The following NAV2 variants were observed in gnomAD, a reference collection of about 807,000 sequenced individuals.
The protein encoded by NAV2 is neuron navigator 2, also known as helicase, APC down-regulated 1.
In NAV2, 54 loss-of-function variants were observed where a neutral mutation model predicts 223.2. That is an observed-to-expected ratio of 0.24 (90% CI 0.19 to 0.30). The LOEUF is 0.30. Among genes scored for constraint, NAV2 ranks in the 10% least tolerant of loss-of-function variants. The pLI, the probability that NAV2 is intolerant of heterozygous loss-of-function variation, is 1.00. For synonymous variants in NAV2, 1,279 were observed against 1,239.3 expected, an observed-to-expected ratio of 1.03 and a Z score of -0.67; for missense variants, 2,806 against 3,147.5, an observed-to-expected ratio of 0.89 and a Z score of 2.60.
intron 6 of NAV2, among the ~76,000 whole-genome samples, chr11:19,930,148 G>A (rs1387803888): frequency 6.6e-6 from 1 of 152,128 alleles, no homozygotes; most frequent in Non-Finnish European, 1.5e-5. Context: ...GAAGAGGTAT[G>A]GACGGAATCC....
chr11:19,846,450 C>A (rs1235003647), intron 3 of NAV2, among the ~76,000 whole-genome samples: 1 of 152,104 alleles, frequency 6.6e-6, no homozygotes, highest in Non-Finnish European at 1.5e-5. Context: ...CAGATTCCTG[C>A]ATATGGGGGA....
intron 1 of NAV2, among the ~76,000 whole-genome samples, chr11:19,493,987 C>A (rs1474413911): frequency 6.6e-6 from 1 of 152,240 alleles, no homozygotes; most frequent in African/African-American, 2.4e-5. Context: ...CTCCCTCTGG[C>A]TGGATCTGTA....
chr11:19,953,852 C>CGT (rs553638832), intron 10 of NAV2, among the ~76,000 whole-genome samples: 3,987 of 141,892 alleles, frequency 0.028, 165 homozygotes, highest in African/African-American at 0.1. Context: ...AATGTGCACG[C>CGT]GCGCGCGTGT....
intron 3 of NAV2, among the ~76,000 whole-genome samples, chr11:19,849,251 C>A (rs1015572553): frequency 2.6e-5 from 4 of 152,176 alleles, no homozygotes; most frequent in Non-Finnish European, 5.9e-5. Context: ...TGGTGTTTAC[C>A]TCTGTGACAG....
At chr11:19,853,335 GT>G (rs1230671693) in intron 3 of NAV2, among the ~76,000 whole-genome samples, 1 of 152,214 alleles carries the variant, frequency 6.6e-6, no homozygotes, top group Non-Finnish European at 1.5e-5. Flanking sequence ...CTGTAAAGTT[GT>G]TTCCAGTTTT....
At chr11:19,540,236 C>A (rs189534066) in intron 1 of NAV2, among the ~76,000 whole-genome samples, 1 of 152,290 alleles carries the variant, frequency 6.6e-6, no homozygotes, top group East Asian at 1.9e-4. Flanking sequence ...TAATGTCCCA[C>A]CAAGACTGGT....
intron 1 of NAV2, among the ~76,000 whole-genome samples, chr11:19,547,593 A>G (rs571966000): frequency 8.6e-4 from 131 of 151,764 alleles, no homozygotes; most frequent in African/African-American, 2.8e-3. Context: ...GATCTTCTCT[A>G]CCTCTTGTTT....
chr11:19,855,577 C>T (rs886543633), intron 3 of NAV2, among the ~76,000 whole-genome samples: 5 of 152,110 alleles, frequency 3.3e-5, no homozygotes, highest in East Asian at 1.9e-4. Flanking sequence ...TCCACAGTGT[C>T]GTCTCGTATA....
At chr11:19,611,892 TG>T (rs1565099024) in intron 1 of NAV2, among the ~76,000 whole-genome samples, 1 of 152,238 alleles carries the variant, frequency 6.6e-6, no homozygotes, top group African/African-American at 2.4e-5. Context: ...GGACTCTGTG[TG>T]GGGGATCCCA....
intron 1 of NAV2, among the ~76,000 whole-genome samples, chr11:19,584,890 T>G (rs1187275509): frequency 6.6e-6 from 1 of 152,246 alleles, no homozygotes; most frequent in South Asian, 2.1e-4. Context: ...AGATGTCTAT[T>G]GGGTCCGCTT....
chr11:19,675,075 C>A (rs1039663936), intron 1 of NAV2, among the ~76,000 whole-genome samples: 2 of 152,158 alleles, frequency 1.3e-5, no homozygotes, highest in Non-Finnish European at 2.9e-5. Context: ...TCATGCACAC[C>A]GCAGCTTCCT....
At chr11:19,695,888 A>AATAAAATAAAATAAAATAAAATTAT (rs2049320578) in intron 1 of NAV2, among the ~76,000 whole-genome samples, 1 of 124,982 alleles carries the variant, frequency 8.0e-6, no homozygotes, top group Non-Finnish European at 1.5e-5. Context: ...TGGATGAAAT[A>AATAAAATAAAATAAAATAAAATTAT]ATAAAATAAA....
chr11:20,086,145 C>T (rs946143021), intron 26 of NAV2, among the ~76,000 whole-genome samples: 1 of 152,194 alleles, frequency 6.6e-6, no homozygotes. Context: ...GAAGTGAATT[C>T]GCATCCAATT....
At chr11:19,694,833 C>A (rs1246196780) in intron 1 of NAV2, among the ~76,000 whole-genome samples, 3 of 152,194 alleles carry the variant, frequency 2.0e-5, no homozygotes, top group Admixed American at 2.0e-4. Context: ...CATTAGCTCT[C>A]CCTTGTACCT....
In NAV2 at chr11:20,120,571, C is replaced by T. The variant is rs2063424873; in HGVS notation, c.*2313C>T. On this transcript the variant is annotated 3_prime_UTR_variant, in exon 38 of 38. Coordinates refer to ENST00000349880, the MANE Select transcript of NAV2 (RefSeq NM_145117.5). ...GTTTTCCAATCACCTTGTGAGTAGA[C>T]ACCTGCCAATATTGTTTGAAACCTT... The T allele has an allele frequency of 6.6e-6, 1 of 152,564 alleles. No homozygotes were observed. The allele number at this position is 152,564 out of a possible 1,614,324, so 9.5% of individuals were successfully genotyped here.
rs144160829 is a variant in NAV2, at chr11:19,482,191, A to G, written c.75+131164A>G. ...ATTTTCACAACAACCCAAGAAGGCA[A>G]GTACCATGATTATTGCCATTTTATA... On this transcript the variant is annotated intron_variant, in intron 1 of 37. Transcript: ENST00000360655. Among the ~76,000 whole-genome samples, 688 of 152,350 alleles carry G rather than the reference A, an allele frequency of 4.5e-3. 8 individuals carry two copies. Among genetic ancestry groups the G allele is most frequent in the African/African-American group, 0.016 (650 of 41,580 alleles).
At chr11:19,359,195 A>T (rs571328497) in intron 1 of NAV2, among the ~76,000 whole-genome samples, 1 of 152,328 alleles carries the variant, frequency 6.6e-6, no homozygotes, top group East Asian at 1.9e-4. Flanking sequence ...ATTGTCTTTG[A>T]TTTGGGATGG....
At chr11:19,801,819 C>T (rs1282904404) in intron 1 of NAV2, among the ~76,000 whole-genome samples, 1 of 152,098 alleles carries the variant, frequency 6.6e-6, no homozygotes, top group African/African-American at 2.4e-5. Context: ...ATTAAGAGGA[C>T]AATAGTCTTG....
intron 1 of NAV2, among the ~76,000 whole-genome samples, chr11:19,520,523 G>A (rs1023168319): frequency 1.3e-5 from 2 of 152,150 alleles, no homozygotes; most frequent in African/African-American, 2.4e-5. Flanking sequence ...TTTCAGCCAC[G>A]CTGCCTGCTT....
Sources: allele counts gnomAD v4.1 joint callset (sites outside exome capture counted in the v4.1 genomes callset), GRCh38; gene constraint gnomAD v4.1.1; transcripts MANE v1.5; gene names NCBI Gene and HGNC (gene_info 2026-07-23, HGNC 2026-07-21).